ATAD2B: variants seen among roughly 807,000 people sequenced by gnomAD.
ATAD2B encodes the protein ATPase family AAA domain containing 2B.
A neutral mutation model predicts 167.6 loss-of-function variants in ATAD2B; 40 were observed. The observed-to-expected ratio is 0.24, with a 90% confidence interval of 0.19 to 0.31. ATAD2B has a LOEUF of 0.31. Among genes scored for constraint, ATAD2B ranks in the 10% least tolerant of loss-of-function variants. The probability of loss-of-function intolerance (pLI) is 1.00; values close to 1 mark genes in which losing one functional copy is unlikely to be tolerated. For missense variants in ATAD2B, 1,242 were observed against 1,757.2 expected (o/e 0.71, Z 5.24); for synonymous variants, 579 against 596.5 (o/e 0.97, Z 0.43).
intron 22 of ATAD2B, among the ~76,000 whole-genome samples, chr2:23,775,434 G>C (rs1432718777): frequency 1.3e-5 from 2 of 151,960 alleles, no homozygotes; most frequent in Non-Finnish European, 2.9e-5. Flanking sequence ...GGATGGTCTC[G>C]ATCTCTTGCC....
intron 23 of ATAD2B, among the ~76,000 whole-genome samples, chr2:23,764,570 T>C (rs1020552282): frequency 6.6e-6 from 1 of 152,114 alleles, no homozygotes; most frequent in Non-Finnish European, 1.5e-5. Flanking sequence ...AGCAGAGATA[T>C]AAACAAGACA....
chr2:23,687,706 A>T, the ATAD2B span, among the ~76,000 whole-genome samples: 3 of 152,182 alleles, frequency 2.0e-5, no homozygotes, highest in African/African-American at 7.2e-5. Flanking sequence ...GGTTATGAAG[A>T]ATGGGCATTG....
chr2:23,894,252 C>A (rs868867506), intron 2 of ATAD2B, among the ~76,000 whole-genome samples: 6 of 151,844 alleles, frequency 4.0e-5, no homozygotes, highest in Middle Eastern at 6.8e-3. Flanking sequence ...GAGGTCGAGG[C>A]GGGTGGATCA....
intron 24 of ATAD2B, among the ~76,000 whole-genome samples, chr2:23,760,666 GA>G (rs1258468761): frequency 1.3e-4 from 12 of 94,428 alleles, no homozygotes; most frequent in South Asian, 3.5e-4. Flanking sequence ...TCTGTCTCAA[GA>G]AAAAAAAAAA....
At chr2:23,724,796 C>A in the ATAD2B span, among the ~76,000 whole-genome samples, 4 of 152,084 alleles carry the variant, frequency 2.6e-5, no homozygotes, top group African/African-American at 9.7e-5. Flanking sequence ...GTAATCCCAG[C>A]ACTTTGGGAG....
chr2:23,769,600 T>C (rs1283265339), intron 22 of ATAD2B, among the ~76,000 whole-genome samples: 4 of 152,118 alleles, frequency 2.6e-5, no homozygotes, highest in Admixed American at 6.6e-5. Flanking sequence ...TCATTTTACA[T>C]TCCTACCACA....
At chr2:23,689,449 T>G in the ATAD2B span, 3 of 152,640 alleles carry the variant, frequency 2.0e-5, no homozygotes, top group African/African-American at 7.2e-5. Flanking sequence ...AGCCATGGAC[T>G]GTCCGTCTGC....
chr2:23,825,535 T>G (rs969799033), intron 15 of ATAD2B, among the ~76,000 whole-genome samples: 3 of 152,190 alleles, frequency 2.0e-5, no homozygotes, highest in Non-Finnish European at 4.4e-5. Flanking sequence ...TATATACCCA[T>G]TTCATTAATT....
chr2:23,773,743 C>T (rs562524853), intron 22 of ATAD2B, among the ~76,000 whole-genome samples: 1 of 152,092 alleles, frequency 6.6e-6, no homozygotes, highest in Admixed American at 6.5e-5. Context: ...GCAAAAAAAC[C>T]CCATATATTG....
Position 23,926,650 on chromosome 2 carries a change from A to T in ATAD2B, c.121T>A (p.Ser41Thr). Residue 41 changes from serine to threonine, a missense_variant, in exon 1 of 28, where the codon TCT (serine) becomes ACT (threonine). Physicochemically the swap from Ser to Thr is moderately conservative, Grantham distance 58. Around this residue, in one of 9 missense-constraint regions of ATAD2B, gnomAD observed 199 missense variants for 194.9 expected, o/e 1.02. Transcript: ENST00000238789. ...CGGGTCTTGGAGGAGCGGGTCCGAG[A>T]GGAGATGAAATGGCTGCTGCCTCCG... ...ATGGSSHFIS[S>T]RTRSSKTRAA... 6.4e-7 allele frequency: 1 copy of T among 1,562,832 alleles called. No homozygotes were observed. The highest frequency in any genetic ancestry group is 1.2e-5 in the South Asian group (1 of 85,086).
the ATAD2B span, among the ~76,000 whole-genome samples, chr2:23,698,813 G>A: frequency 5.3e-5 from 8 of 152,110 alleles, no homozygotes; most frequent in South Asian, 6.2e-4. Flanking sequence ...TTGAGCTGAC[G>A]GGAGGGCTCA....
At chr2:23,822,559 A>G (rs1572910183) in intron 16 of ATAD2B, among the ~76,000 whole-genome samples, 1 of 151,330 alleles carries the variant, frequency 6.6e-6, no homozygotes, top group Non-Finnish European at 1.5e-5. Flanking sequence ...AAAATAAATT[A>G]CCAGCCTACA....
intron 17 of ATAD2B, among the ~76,000 whole-genome samples, chr2:23,811,786 T>C (rs1052693914): frequency 1.3e-5 from 2 of 152,096 alleles, no homozygotes; most frequent in Non-Finnish European, 1.5e-5. Flanking sequence ...GTTTATAAAT[T>C]AATCTGTTTA....
the ATAD2B span, among the ~76,000 whole-genome samples, chr2:23,682,213 C>T: frequency 6.6e-6 from 1 of 152,208 alleles, no homozygotes. This position sits in a 1 kb window ranked among gnomAD's most constrained non-coding sequence, Gnocchi z 4.1. Flanking sequence ...TCACCTCTCC[C>T]TCGGAAAGAC....
chr2:23,859,126 C>A (rs773470844), intron 12 of ATAD2B, among the ~76,000 whole-genome samples: 6 of 151,970 alleles, frequency 3.9e-5, no homozygotes, highest in Non-Finnish European at 8.8e-5. Flanking sequence ...ACTTATTGAC[C>A]TTTGCTAATT....
chr2:23,734,628 G>A, the ATAD2B span, among the ~76,000 whole-genome samples: 1 of 152,150 alleles, frequency 6.6e-6, no homozygotes, highest in Non-Finnish European at 1.5e-5. Context: ...AGATAAGTGG[G>A]AGGTGCTACA....
At chr2:23,926,232 T>C (rs1163878754) in intron 1 of ATAD2B, among the ~76,000 whole-genome samples, 1 of 152,216 alleles carries the variant, frequency 6.6e-6, no homozygotes, top group African/African-American at 2.4e-5. Context: ...TCGCTCTTGC[T>C]TCCCCGCTAG....
intron 15 of ATAD2B, among the ~76,000 whole-genome samples, chr2:23,825,972 A>C (rs2149684270): frequency 6.6e-6 from 1 of 152,326 alleles, no homozygotes; most frequent in South Asian, 2.1e-4. Flanking sequence ...TTTCACATTA[A>C]TTATTATAAC....
At chr2:23,729,380 C>T in the ATAD2B span, among the ~76,000 whole-genome samples, 1 of 152,090 alleles carries the variant, frequency 6.6e-6, no homozygotes. Flanking sequence ...CAGCAACTAA[C>T]CAGAAGGGGA....
Sources: allele counts gnomAD v4.1 joint callset (sites outside exome capture counted in the v4.1 genomes callset), GRCh38; gene constraint gnomAD v4.1.1; regional missense constraint gnomAD v4.1.1; non-coding constraint Gnocchi (gnomAD v3.1); transcripts MANE v1.5; gene names NCBI Gene and HGNC (gene_info 2026-07-23, HGNC 2026-07-21).